Variants in SPON1 observed in about 807,000 individuals in gnomAD.
SPON1 encodes spondin 1, also known as spondin-1.
SPON1 carries 52 observed loss-of-function variants against 111.7 expected under a neutral mutation model. The ratio of observed to expected loss-of-function variants is 0.47; its 90% CI spans 0.37 to 0.59. The LOEUF (loss-of-function observed/expected upper bound fraction) is 0.59. SPON1 is among the 20% of genes least tolerant of loss of function. The pLI, the probability that SPON1 is intolerant of heterozygous loss-of-function variation, is 0.00. For synonymous variants in SPON1, 410 were observed against 395.8 expected, an observed-to-expected ratio of 1.04 and a Z score of -0.43; for missense variants, 957 against 1,068.5, an observed-to-expected ratio of 0.90 and a Z score of 1.46.
intron 6 of SPON1, among the ~76,000 whole-genome samples, chr11:14,185,221 C>G (rs1444309562): frequency 1.3e-5 from 2 of 152,176 alleles, no homozygotes; most frequent in Non-Finnish European, 2.9e-5. Context: ...GACCCCCCAC[C>G]ATCAGCAAAG....
intron 5 of SPON1, among the ~76,000 whole-genome samples, chr11:14,091,682 G>A (rs12576218): frequency 0.067 from 10,197 of 151,848 alleles, 459 homozygotes; most frequent in South Asian, 0.19. Flanking sequence ...AGTGCCGCCC[G>A]CAGCCCCGGT....
chr11:14,014,937 C>T (rs1848433905), intron 2 of SPON1, among the ~76,000 whole-genome samples: 1 of 152,088 alleles, frequency 6.6e-6, no homozygotes, highest in Non-Finnish European at 1.5e-5. Context: ...GATTTTTACC[C>T]TTCTTCTATT....
chr11:14,082,137 G>A (rs1554922116), intron 5 of SPON1, among the ~76,000 whole-genome samples: 1 of 151,992 alleles, frequency 6.6e-6, no homozygotes, highest in Non-Finnish European at 1.5e-5. Context: ...GAAGCTTCTT[G>A]ACCTTTCCTA....
At chr11:14,200,004 A>G (rs1554935444) in intron 6 of SPON1, among the ~76,000 whole-genome samples, 1 of 152,148 alleles carries the variant, frequency 6.6e-6, no homozygotes, top group African/African-American at 2.4e-5. Context: ...GCGTTTTTAC[A>G]CATTGCTCTC....
intron 6 of SPON1, among the ~76,000 whole-genome samples, chr11:14,236,347 G>A (rs2133915060): frequency 6.6e-6 from 1 of 152,226 alleles, no homozygotes; most frequent in East Asian, 1.9e-4. Context: ...ATCCAGGGTG[G>A]ATGGAACTGA....
intron 14 of SPON1, among the ~76,000 whole-genome samples, chr11:14,261,847 GA>G (rs139370100): frequency 6.7e-5 from 10 of 148,916 alleles, no homozygotes; most frequent in South Asian, 2.1e-4. Context: ...ACAACCTAAT[GA>G]AAAAAAAAAT....
In SPON1 at chr11:14,195,386, T is replaced by G. The variant is rs552493071; in HGVS notation, c.826-47946T>G. 5.9e-5 allele frequency among the ~76,000 whole-genome samples: 9 copies of G among 152,160 alleles called. No homozygotes were observed. The East Asian group carries it at 1.7e-3, about 29-fold the overall frequency. On this transcript the variant is annotated intron_variant, in intron 6 of 15. Transcript: ENST00000576479. ...ACATTGAAAGGGTGTGGGATATTAA[T>G]GGCAAAGACAAAAATGATTGGAAAA...
At chr11:14,253,896 C>T (rs1196604301) in intron 7 of SPON1, among the ~76,000 whole-genome samples, 1 of 152,264 alleles carries the variant, frequency 6.6e-6, no homozygotes, top group Non-Finnish European at 1.5e-5. Context: ...TTTCCAGCCA[C>T]TCTGAGTGGT....
chr11:13,996,039 G>C (rs1848269445), intron 2 of SPON1, among the ~76,000 whole-genome samples: 1 of 152,230 alleles, frequency 6.6e-6, no homozygotes, highest in Non-Finnish European at 1.5e-5. Context: ...TGGACAAGGA[G>C]TGAAGAGTGT....
At chr11:13,988,781 C>T (rs1408317744) in intron 2 of SPON1, among the ~76,000 whole-genome samples, 1 of 152,014 alleles carries the variant, frequency 6.6e-6, no homozygotes, top group Non-Finnish European at 1.5e-5. Flanking sequence ...TTATTGAAGG[C>T]CTTTTCTGTA....
At chr11:14,035,294 G>A (rs782412226) in intron 2 of SPON1, among the ~76,000 whole-genome samples, 7 of 152,122 alleles carry the variant, frequency 4.6e-5, no homozygotes, top group Admixed American at 3.9e-4. Flanking sequence ...TCAAGCCCTA[G>A]CTCTGCCATT....
chr11:14,011,628 T>C (rs1473757603), intron 2 of SPON1, among the ~76,000 whole-genome samples: 5 of 152,258 alleles, frequency 3.3e-5, no homozygotes, highest in Non-Finnish European at 7.4e-5. Flanking sequence ...TTCTTCTACA[T>C]GGCTTATGAG....
At chr11:14,058,230 C>T (rs187014324) in intron 3 of SPON1, among the ~76,000 whole-genome samples, 3 of 152,144 alleles carry the variant, frequency 2.0e-5, no homozygotes, top group Non-Finnish European at 4.4e-5. Context: ...TGAGTTGGTT[C>T]GTTCAGTGAT....
chr11:13,984,049 C>G (rs920855743), intron 2 of SPON1, among the ~76,000 whole-genome samples: 18 of 152,144 alleles, frequency 1.2e-4, no homozygotes, highest in African/African-American at 3.9e-4. Context: ...TAATGTCCTT[C>G]TATGGCAAAG....
At chr11:14,071,430 G>A (rs189503224) in intron 3 of SPON1, among the ~76,000 whole-genome samples, 9 of 152,002 alleles carry the variant, frequency 5.9e-5, no homozygotes, top group Admixed American at 4.6e-4. Flanking sequence ...CTCTTACCTA[G>A]GCCAGCAACT....
chr11:14,129,374 G>A (rs1847501011), intron 5 of SPON1, among the ~76,000 whole-genome samples: 1 of 152,106 alleles, frequency 6.6e-6, no homozygotes, highest in Non-Finnish European at 1.5e-5. Context: ...TCTCTTTCAA[G>A]TTGAAAGTTC....
chr11:14,082,772 T>A (rs1294591000), intron 5 of SPON1, among the ~76,000 whole-genome samples: 1 of 152,238 alleles, frequency 6.6e-6, no homozygotes, highest in African/African-American at 2.4e-5. Context: ...ATAGATGAAT[T>A]TCTTTTTGCC....
intron 3 of SPON1, among the ~76,000 whole-genome samples, chr11:14,047,891 A>G (rs183715488): frequency 2.0e-5 from 3 of 152,334 alleles, no homozygotes; most frequent in East Asian, 3.9e-4. Flanking sequence ...TGAGGGAGCC[A>G]TTAGTAGTTA....
At chr11:14,212,583 CA>C (rs2133902480) in intron 6 of SPON1, among the ~76,000 whole-genome samples, 1 of 152,264 alleles carries the variant, frequency 6.6e-6, no homozygotes, top group East Asian at 1.9e-4. Flanking sequence ...CTTCTATCAT[CA>C]TTTCCCTATA....
Sources: gnomAD v4.1 joint callset for allele counts (sites outside exome capture counted in the v4.1 genomes callset) on GRCh38, gnomAD v4.1.1 for gene constraint, MANE v1.5 for transcripts, NCBI Gene and HGNC (gene_info 2026-07-23, HGNC 2026-07-21) for gene names.